The following STXBP5 variants were observed in gnomAD, a reference collection of about 807,000 sequenced individuals.
The protein encoded by STXBP5 is syntaxin-binding protein 5.
In STXBP5, 50 loss-of-function variants were observed where a neutral mutation model predicts 152.4. That is an observed-to-expected ratio of 0.33 (90% CI 0.26 to 0.42). STXBP5 has a LOEUF of 0.42. Among genes scored for constraint, STXBP5 ranks in the 10% least tolerant of loss-of-function variants. STXBP5 has a pLI of 1.00. For synonymous variants in STXBP5, 492 were observed against 494.7 expected (o/e 0.99, Z 0.07); for missense variants, 1,167 against 1,388.6 (o/e 0.84, Z 2.54).
intron 17 of STXBP5, 114 bp from the exon 18 acceptor site, chr6:147,327,011 C>G (rs190900075): frequency 2.1e-6 from 2 of 937,338 alleles, no homozygotes. Flanking sequence ...TCTTTTGTTT[C>G]AAAGAATTTT....
chr6:147,227,656 T>G (rs1025330361), intron 2 of STXBP5, among the ~76,000 whole-genome samples: 1 of 152,164 alleles, frequency 6.6e-6, no homozygotes, highest in Non-Finnish European at 1.5e-5. Flanking sequence ...CTCCCCACTT[T>G]GTAAATGAGA....
At chr6:147,304,350 G>A (rs1396735260) in intron 9 of STXBP5, among the ~76,000 whole-genome samples, 1 of 152,178 alleles carries the variant, frequency 6.6e-6, no homozygotes, top group Admixed American at 6.5e-5. Context: ...ATGTGGTGTT[G>A]GGTCTGCAAA....
At chr6:147,211,882 C>T (rs1174079452) in intron 2 of STXBP5, among the ~76,000 whole-genome samples, 1 of 152,106 alleles carries the variant, frequency 6.6e-6, no homozygotes, top group Non-Finnish European at 1.5e-5. Context: ...CTTCTCCCTC[C>T]CCATCATTTT....
At chr6:147,262,099 TC>T (rs546453864) in intron 5 of STXBP5, among the ~76,000 whole-genome samples, 190 bp from the exon 6 acceptor site, 48 of 151,952 alleles carry the variant, frequency 3.2e-4, no homozygotes, top group Non-Finnish European at 6.0e-4. Context: ...GTTATATGAG[TC>T]ACCACTTCTT....
intron 27 of STXBP5, among the ~76,000 whole-genome samples, chr6:147,384,019 T>G (rs1474101909): frequency 6.6e-6 from 1 of 152,104 alleles, no homozygotes; most frequent in African/African-American, 2.4e-5. Context: ...CATGTAGCAT[T>G]TCAGTCAATT....
intron 6 of STXBP5, among the ~76,000 whole-genome samples, chr6:147,265,591 G>T (rs1339764827): frequency 6.6e-6 from 1 of 152,050 alleles, no homozygotes; most frequent in Non-Finnish European, 1.5e-5. Flanking sequence ...ATTGCTTATT[G>T]AATGAAAGGG....
chr6:147,230,765 C>T lies in STXBP5; in HGVS notation c.249-4485C>T, dbSNP rs529110834. 6.6e-5 allele frequency among the ~76,000 whole-genome samples: 10 copies of T among 151,864 alleles called. No homozygotes were observed. In the East Asian group the frequency reaches 1.4e-3, roughly 21 times the overall value. On this transcript the variant is annotated intron_variant, in intron 2 of 27. Transcript: ENST00000321680. ...TACACTGCCTTGGTTCAAATCTCAG[C>T]TTCTTTACTAACTAGGTGAGTGGCC...
intron 5 of STXBP5, among the ~76,000 whole-genome samples, chr6:147,261,247 T>C (rs1355419330): frequency 6.6e-6 from 1 of 152,046 alleles, no homozygotes; most frequent in Admixed American, 6.6e-5. Flanking sequence ...GATAAATTTT[T>C]ACTTTTTGAT....
chr6:147,331,953 C>A (rs1410972960), intron 18 of STXBP5, among the ~76,000 whole-genome samples: 2 of 151,996 alleles, frequency 1.3e-5, no homozygotes, highest in Non-Finnish European at 2.9e-5. Flanking sequence ...GAGAATAATA[C>A]TATCTACTTC....
chr6:147,359,146 T>TTGA lies in STXBP5; in HGVS notation c.2368_2369insTGA (p.Ser790delinsLeuThr). Reference sequence around the variant, plus strand: ...AAGTGTAACAAGCATTGACAAAGAATCCCGAGAAGCGATCTCCGCTCTTCA... The same window carrying TTGA: ...AAGTGTAACAAGCATTGACAAAGAATTGACCCGAGAAGCGATCTCCGCTCTTCA... On this transcript the variant is annotated protein_altering_variant, in exon 23 of 28. Transcript: ENST00000321680. The TTGA allele has an allele frequency of 6.2e-7, 1 of 1,614,006 alleles. No individual in the cohort carries two copies. The highest frequency in any genetic ancestry group is 8.5e-7 in the Non-Finnish European group (1 of 1,179,922).
intron 21 of STXBP5, among the ~76,000 whole-genome samples, chr6:147,341,324 C>A (rs1413260405): frequency 6.6e-6 from 1 of 152,070 alleles, no homozygotes; most frequent in Non-Finnish European, 1.5e-5. Flanking sequence ...CTTCTGAGGA[C>A]CTCCCTGTCA....
At chr6:147,355,528 A>C (rs1014536993) in intron 22 of STXBP5, among the ~76,000 whole-genome samples, 1 of 152,282 alleles carries the variant, frequency 6.6e-6, no homozygotes, top group Non-Finnish European at 1.5e-5. Context: ...TTAATTCTCA[A>C]TAATAACCAT....
rs1488884892 is a variant in STXBP5 at position 147,255,807 on chromosome 6, C to T, written c.432-4808C>T. Among the ~76,000 whole-genome samples, 8 of 152,258 alleles carry T rather than the reference C, an allele frequency of 5.3e-5. No homozygotes were observed. The East Asian group carries it at 1.5e-3, about 29-fold the overall frequency. ...GGAATTACAGGTGTGAGCCACTGTGCCCAGCCATGAAAAGGCCTTCTGTAC... is the reference window on the plus strand; with the variant it reads ...GGAATTACAGGTGTGAGCCACTGTGTCCAGCCATGAAAAGGCCTTCTGTAC... On this transcript the variant is annotated intron_variant, in intron 4 of 27. Coordinates refer to ENST00000321680, the MANE Select transcript of STXBP5 (RefSeq NM_001127715.4).
At chr6:147,207,497 A>G (rs766976038) in intron 2 of STXBP5, among the ~76,000 whole-genome samples, 1 of 152,114 alleles carries the variant, frequency 6.6e-6, no homozygotes, top group Non-Finnish European at 1.5e-5. Flanking sequence ...TTTGGCTTCA[A>G]TTGTTAGATA....
chr6:147,370,290 A>G (rs1294803235), intron 25 of STXBP5, among the ~76,000 whole-genome samples: 1 of 152,092 alleles, frequency 6.6e-6, no homozygotes, highest in Non-Finnish European at 1.5e-5. Context: ...GACACTTGAG[A>G]GTGATGGATA....
Position 147,208,592 on chromosome 6 carries a change from A to G in STXBP5, c.248+2524A>G, listed in dbSNP as rs1228047487. Among the ~76,000 whole-genome samples the G allele has an allele frequency of 2.6e-5, 4 of 152,106 alleles. No homozygotes were observed. In the South Asian group the frequency reaches 8.3e-4, roughly 31 times the overall value. ...CTTGTATTAGACTCTTGTAGTCTGTAACACAGTTATCCTAAAAGATATCAT... is the reference window on the plus strand; with the variant it reads ...CTTGTATTAGACTCTTGTAGTCTGTGACACAGTTATCCTAAAAGATATCAT... On this transcript the variant is annotated intron_variant, in intron 2 of 27. Coordinates refer to ENST00000321680, the MANE Select transcript of STXBP5 (RefSeq NM_001127715.4).
Position 147,382,789 on chromosome 6 carries a change from T to A in STXBP5, c.3205T>A (p.Ser1069Thr). 1 of 1,613,292 alleles carries A rather than the reference T, an allele frequency of 6.2e-7. No individual in the cohort carries two copies. The highest frequency in any genetic ancestry group is 1.1e-5 in the South Asian group (1 of 91,064). Reference protein sequence around the residue: ...LDREELFGESSSGKASRSLAQ... With the variant: ...LDREELFGESTSGKASRSLAQ... ...TCAAATGTGTTCAGTTGGAGAATCGTCCTCAGGAAAGGCTTCAAGGAGCCT... is the reference window on the plus strand; with the variant it reads ...TCAAATGTGTTCAGTTGGAGAATCGACCTCAGGAAAGGCTTCAAGGAGCCT... The change falls in exon 27 of 28, where the codon TCC becomes ACC. Residue 1069 changes from serine to threonine, a missense_variant. Ser to Thr is a moderately conservative substitution (Grantham distance 58). This residue lies in a region of STXBP5 where 833 missense variants were observed against 986.3 expected (regional missense o/e 0.84). Transcript: ENST00000321680.
intron 9 of STXBP5, among the ~76,000 whole-genome samples, chr6:147,304,718 C>T (rs1196892725): frequency 6.6e-6 from 1 of 152,140 alleles, no homozygotes; most frequent in South Asian, 2.1e-4. Context: ...GCTGTCAAGA[C>T]CATGGGAACC....
At chr6:147,324,169 G>A (rs1462513403) in intron 16 of STXBP5, among the ~76,000 whole-genome samples, 1 of 150,462 alleles carries the variant, frequency 6.6e-6, no homozygotes, top group East Asian at 1.9e-4. Context: ...CACACAAATT[G>A]CTCATATTTG....
Sources: allele counts gnomAD v4.1 joint callset (sites outside exome capture counted in the v4.1 genomes callset), GRCh38; gene constraint gnomAD v4.1.1; regional missense constraint gnomAD v4.1.1; transcripts MANE v1.5; gene names NCBI Gene and HGNC (gene_info 2026-07-23, HGNC 2026-07-21).